The following NRXN3 variants were observed in gnomAD, a reference collection of about 807,000 sequenced individuals.
NRXN3 encodes the protein neurexin III.
NRXN3 carries 32 observed loss-of-function variants against 137.6 expected under a neutral mutation model. That is an observed-to-expected ratio of 0.23 (90% CI 0.18 to 0.31). NRXN3 has a LOEUF of 0.31. Ranked by LOEUF, NRXN3 falls within the 10% of genes least tolerant of loss-of-function variation. The pLI, the probability that NRXN3 is intolerant of heterozygous loss-of-function variation, is 1.00. For synonymous variants in NRXN3, 798 were observed against 784.5 expected (o/e 1.02, Z -0.29); for missense variants, 1,574 against 2,062.5 (o/e 0.76, Z 4.59).
chr14:78,895,751 C>T (rs2099171727), intron 10 of NRXN3, among the ~76,000 whole-genome samples: 1 of 151,814 alleles, frequency 6.6e-6, no homozygotes, highest in Non-Finnish European at 1.5e-5. Context: ...CATTTGAATA[C>T]TTAGGCCTTT....
At chr14:78,462,771 T>C in intron 4 of NRXN3, among the ~76,000 whole-genome samples, 1 of 152,236 alleles carries the variant, frequency 6.6e-6, no homozygotes, top group East Asian at 1.9e-4. Context: ...GTTCTTCTAA[T>C]GACAATGACC....
chr14:78,648,669 G>C (rs375996669), intron 5 of NRXN3, among the ~76,000 whole-genome samples: 2 of 152,310 alleles, frequency 1.3e-5, no homozygotes, highest in African/African-American at 4.8e-5. Context: ...GACTTTCTAT[G>C]CTAGGTTTGA....
intron 4 of NRXN3, among the ~76,000 whole-genome samples, chr14:78,320,205 C>T (rs1240266638): frequency 6.6e-6 from 1 of 152,180 alleles, no homozygotes; most frequent in East Asian, 1.9e-4. Flanking sequence ...AATCCAGTAA[C>T]AGGAGAGTCA....
At position 79,245,016 on chromosome 14, in the gene NRXN3, T is replaced by G. The variant is rs140653417; in HGVS notation, c.3263-222205T>G. 9.1e-3 allele frequency among the ~76,000 whole-genome samples: 1,390 copies of G among 152,262 alleles called. 8 individuals carry two copies. The highest frequency in any genetic ancestry group is 0.014 in the Non-Finnish European group (960 of 68,002). On this transcript the variant is annotated intron_variant, in intron 15 of 20. Coordinates refer to ENST00000335750, the MANE Select transcript of NRXN3 (RefSeq NM_001330195.2). ...AGGTTAGCTTTTGAATTAGGATTCTTGGGTCCCAGTCTCAAGTCTCCAGCC... is the reference window on the plus strand; with the variant it reads ...AGGTTAGCTTTTGAATTAGGATTCTGGGGTCCCAGTCTCAAGTCTCCAGCC...
At chr14:78,762,215 G>A (rs2098694701) in intron 8 of NRXN3, among the ~76,000 whole-genome samples, 1 of 152,042 alleles carries the variant, frequency 6.6e-6, no homozygotes, top group Non-Finnish European at 1.5e-5. Context: ...ACGATGTATC[G>A]GTGGTTCCTG....
chr14:79,453,190 G>A (rs1047254308), intron 15 of NRXN3, among the ~76,000 whole-genome samples: 5 of 152,126 alleles, frequency 3.3e-5, no homozygotes, highest in Non-Finnish European at 7.4e-5. Context: ...AACTTTGGGA[G>A]GCAGAGGCAG....
intron 10 of NRXN3, among the ~76,000 whole-genome samples, chr14:78,918,547 T>C (rs1567701009): frequency 1.3e-5 from 2 of 152,064 alleles, no homozygotes; most frequent in Admixed American, 6.6e-5. Flanking sequence ...AAAGATAGAA[T>C]ATTATGACTA....
At chr14:79,710,064 T>C (rs1483127098) in intron 19 of NRXN3, among the ~76,000 whole-genome samples, 1 of 152,152 alleles carries the variant, frequency 6.6e-6, no homozygotes, top group Non-Finnish European at 1.5e-5. Flanking sequence ...TTGTCCTTTA[T>C]TTGGGGGTTT....
intron 8 of NRXN3, among the ~76,000 whole-genome samples, chr14:78,767,416 G>T (rs1182006171): frequency 6.6e-6 from 1 of 152,172 alleles, no homozygotes; most frequent in Non-Finnish European, 1.5e-5. Flanking sequence ...CAAGTCACAG[G>T]ATTCCCACCC....
chr14:78,588,708 G>A (rs1022498386), intron 4 of NRXN3, among the ~76,000 whole-genome samples: 6 of 152,206 alleles, frequency 3.9e-5, no homozygotes, highest in Admixed American at 1.3e-4. Context: ...ATCTACATCT[G>A]TGAAGCATCA....
chr14:78,894,052 C>T (rs1216952119), intron 10 of NRXN3, among the ~76,000 whole-genome samples: 1 of 151,918 alleles, frequency 6.6e-6, no homozygotes, highest in Non-Finnish European at 1.5e-5. Flanking sequence ...AGGGTCTTGC[C>T]TTGATATTGA....
intron 16 of NRXN3, among the ~76,000 whole-genome samples, chr14:79,628,369 T>A (rs571151984): frequency 6.6e-6 from 1 of 152,368 alleles, no homozygotes; most frequent in East Asian, 1.9e-4. Context: ...ATGACATTTT[T>A]AAAGTATTTA....
intron 15 of NRXN3, among the ~76,000 whole-genome samples, chr14:79,400,523 G>A (rs765171844): frequency 4.6e-5 from 7 of 152,140 alleles, no homozygotes; most frequent in Admixed American, 1.3e-4. Context: ...TAAGCTAGGC[G>A]CTGGGATGCT....
intron 15 of NRXN3, among the ~76,000 whole-genome samples, chr14:79,185,029 A>G (rs771247639): frequency 1.3e-5 from 2 of 152,248 alleles, no homozygotes; most frequent in African/African-American, 2.4e-5. Flanking sequence ...AGATGCACCT[A>G]ACACAGTTGA....
At chr14:78,512,466 A>T (rs891268476) in intron 4 of NRXN3, among the ~76,000 whole-genome samples, 3 of 152,214 alleles carry the variant, frequency 2.0e-5, no homozygotes, top group African/African-American at 7.2e-5. Context: ...ACCTAACTCC[A>T]AAAGAGACTG....
intron 4 of NRXN3, among the ~76,000 whole-genome samples, chr14:78,549,247 C>T (rs1053203300): frequency 6.6e-6 from 1 of 152,162 alleles, no homozygotes; most frequent in Admixed American, 6.5e-5. Flanking sequence ...GGATTCAGGA[C>T]CATGTTTTGC....
chr14:79,078,912 T>G (rs1404615040), intron 15 of NRXN3, among the ~76,000 whole-genome samples: 1 of 152,114 alleles, frequency 6.6e-6, no homozygotes, highest in African/African-American at 2.4e-5. Context: ...TAGCCCATGA[T>G]TCTTGTGTAG....
At chr14:79,300,349 G>T (rs2084929147) in intron 15 of NRXN3, among the ~76,000 whole-genome samples, 1 of 152,088 alleles carries the variant, frequency 6.6e-6, no homozygotes, top group African/African-American at 2.4e-5. Flanking sequence ...AAAAAGTTGT[G>T]TTTAAAATGG....
chr14:78,443,872 C>G (rs1326116772), intron 4 of NRXN3, among the ~76,000 whole-genome samples: 2 of 152,184 alleles, frequency 1.3e-5, no homozygotes, highest in Non-Finnish European at 2.9e-5. Flanking sequence ...TCTATTGTAA[C>G]CACACTGTCA....
Sources: gnomAD v4.1 joint callset for allele counts (sites outside exome capture counted in the v4.1 genomes callset) on GRCh38, gnomAD v4.1.1 for gene constraint, MANE v1.5 for transcripts, NCBI Gene and HGNC (gene_info 2026-07-23, HGNC 2026-07-21) for gene names.